Variants in CTNNA3 observed in about 807,000 individuals in gnomAD.
CTNNA3 encodes the protein catenin alpha 3, also known as catenin alpha-3.
A neutral mutation model predicts 95.7 loss-of-function variants in CTNNA3; 76 were observed. The ratio of observed to expected loss-of-function variants is 0.79; its 90% CI spans 0.66 to 0.96. The LOEUF is 0.96. Among genes scored for constraint, CTNNA3 ranks in the 40% least tolerant of loss-of-function variants. The probability of loss-of-function intolerance (pLI) is 0.00; values close to 1 mark genes in which losing one functional copy is unlikely to be tolerated. For synonymous variants in CTNNA3, 431 were observed against 374.4 expected (o/e 1.15, Z -1.74); for missense variants, 1,191 against 1,089.8 (o/e 1.09, Z -1.31).
chr10:65,966,589 T>C lies in CTNNA3; in HGVS notation c.2400+23A>G, dbSNP rs759473349. On this transcript the variant is annotated intron_variant, in intron 17 of 17. Transcript: ENST00000433211. ...TTCAAGCATCTTCCACCTGTGATCA[T>C]GTAAGTGCTAGGCAGTACTCACAGC... is the stretch of plus-strand genomic sequence containing the variant. The C allele has an allele frequency of 4.4e-6, 7 of 1,592,260 alleles. No individual in the cohort carries two copies. In the South Asian group the frequency reaches 5.7e-5, roughly 13 times the overall value.
chr10:65,996,265 C>A (rs1447158707), intron 15 of CTNNA3, among the ~76,000 whole-genome samples: 1 of 152,132 alleles, frequency 6.6e-6, no homozygotes, highest in African/African-American at 2.4e-5. Context: ...CAGCCCCAGG[C>A]AGGCAAGTTT....
chr10:67,614,072 A>C (rs186133205), intron 2 of CTNNA3, among the ~76,000 whole-genome samples: 2 of 152,324 alleles, frequency 1.3e-5, no homozygotes, highest in Admixed American at 1.3e-4. Context: ...CCAGGTTGCC[A>C]CTGCTGGCTG....
At chr10:66,515,362 A>T (rs1840812264) in intron 11 of CTNNA3, among the ~76,000 whole-genome samples, 1 of 143,440 alleles carries the variant, frequency 7.0e-6, no homozygotes. Flanking sequence ...TATATATAGT[A>T]TTAGTATTGA....
At chr10:66,826,086 G>A (rs763711888) in intron 7 of CTNNA3, among the ~76,000 whole-genome samples, 34 of 152,154 alleles carry the variant, frequency 2.2e-4, no homozygotes, top group Non-Finnish European at 4.1e-4. Flanking sequence ...AAAGGAAGGG[G>A]TTACAAAAGG....
intron 10 of CTNNA3, among the ~76,000 whole-genome samples, chr10:66,569,247 T>G (rs1030029251): frequency 3.9e-5 from 6 of 152,130 alleles, no homozygotes; most frequent in Admixed American, 2.6e-4. Flanking sequence ...CCAATATTTC[T>G]TAGCTGCGCC....
In CTNNA3 at chr10:66,106,161, C is replaced by T. The variant is rs571177558; in HGVS notation, c.1885-2912G>A. Among the ~76,000 whole-genome samples the T allele has an allele frequency of 3.3e-5, 5 of 150,484 alleles. No homozygotes were observed. The South Asian group carries it at 8.4e-4, about 25-fold the overall frequency. On this transcript the variant is annotated intron_variant, in intron 13 of 17. Coordinates refer to ENST00000433211, the MANE Select transcript of CTNNA3 (RefSeq NM_013266.4). ...GGCGGAGGTTGCAGCGAGCCGAGAT[C>T]GCGCCATTGCACTCCAGCCTGGGCA...
chr10:66,115,344 C>A (rs2082283906), intron 13 of CTNNA3, among the ~76,000 whole-genome samples: 1 of 152,126 alleles, frequency 6.6e-6, no homozygotes, highest in Admixed American at 6.6e-5. Flanking sequence ...TGCTATTTCC[C>A]TGTTTTGTAT....
At chr10:67,040,858 T>C (rs1254657675) in intron 7 of CTNNA3, among the ~76,000 whole-genome samples, 2 of 152,098 alleles carry the variant, frequency 1.3e-5, no homozygotes, top group Non-Finnish European at 2.9e-5. Flanking sequence ...CAAACTTTCA[T>C]TGAACAACTA....
intron 5 of CTNNA3, among the ~76,000 whole-genome samples, chr10:67,350,822 T>C (rs114535171): frequency 0.011 from 1,645 of 150,306 alleles, 26 homozygotes; most frequent in African/African-American, 0.034. Flanking sequence ...ATTTAGCATA[T>C]TACCCAAAAA....
chr10:67,686,716 A>G (rs1252165442), intron 1 of CTNNA3, among the ~76,000 whole-genome samples: 2 of 152,050 alleles, frequency 1.3e-5, no homozygotes, highest in Admixed American at 1.3e-4. Flanking sequence ...TACTATATCA[A>G]TTTCCTTACT....
At chr10:66,449,546 G>A (rs935155372) in intron 11 of CTNNA3, among the ~76,000 whole-genome samples, 3 of 152,034 alleles carry the variant, frequency 2.0e-5, no homozygotes, top group East Asian at 1.9e-4. Flanking sequence ...CATAAATAAT[G>A]TTAGTAAAAT....
intron 5 of CTNNA3, among the ~76,000 whole-genome samples, chr10:67,267,263 A>G (rs957930194): frequency 3.3e-5 from 5 of 152,248 alleles, no homozygotes; most frequent in African/African-American, 1.2e-4. Flanking sequence ...TAGCATAATC[A>G]CTTCATACTG....
intron 7 of CTNNA3, among the ~76,000 whole-genome samples, chr10:67,171,752 C>CA (rs1236766351): frequency 6.6e-6 from 1 of 150,540 alleles, no homozygotes; most frequent in African/African-American, 2.4e-5. Flanking sequence ...AAGACCCTGC[C>CA]AAAAAATAAA....
chr10:66,512,276 G>A (rs78930088), intron 11 of CTNNA3, among the ~76,000 whole-genome samples: 4,906 of 152,102 alleles, frequency 0.032, 253 homozygotes, highest in African/African-American at 0.11. Context: ...TAAATGAGAA[G>A]TGAGTTTCAC....
intron 5 of CTNNA3, among the ~76,000 whole-genome samples, chr10:67,521,557 G>A (rs140470664): frequency 5.3e-5 from 8 of 152,222 alleles, no homozygotes; most frequent in East Asian, 1.9e-4. Context: ...CCTCTGAAGC[G>A]TCCCTAGTCA....
At chr10:66,026,550 A>G (rs1399857114) in intron 15 of CTNNA3, among the ~76,000 whole-genome samples, 1 of 152,176 alleles carries the variant, frequency 6.6e-6, no homozygotes, top group Non-Finnish European at 1.5e-5. Flanking sequence ...ACACATAAAA[A>G]TGTCTCAGTC....
At chr10:66,794,463 C>T (rs1359987334) in intron 7 of CTNNA3, among the ~76,000 whole-genome samples, 1 of 152,128 alleles carries the variant, frequency 6.6e-6, no homozygotes, top group Non-Finnish European at 1.5e-5. Context: ...TGTGCAACAG[C>T]ATTATATCTA....
intron 9 of CTNNA3, among the ~76,000 whole-genome samples, chr10:66,650,062 A>G (rs1464241870): frequency 1.3e-5 from 2 of 152,234 alleles, no homozygotes; most frequent in Non-Finnish European, 2.9e-5. Context: ...AAAAATATCA[A>G]TAAGTAAACA....
intron 12 of CTNNA3, among the ~76,000 whole-genome samples, chr10:66,304,903 A>G (rs1035144442): frequency 3.3e-5 from 5 of 152,314 alleles, no homozygotes; most frequent in Middle Eastern, 3.4e-3. Flanking sequence ...AAGTACATAT[A>G]TGTTATATTT....
Sources: allele counts gnomAD v4.1 joint callset (sites outside exome capture counted in the v4.1 genomes callset), GRCh38; gene constraint gnomAD v4.1.1; transcripts MANE v1.5; gene names NCBI Gene and HGNC (gene_info 2026-07-23, HGNC 2026-07-21).